SOAT1: variants seen among roughly 807,000 people sequenced by gnomAD.
SOAT1 encodes acyl-coenzyme A:cholesterol acyltransferase 1.
A neutral mutation model predicts 69.5 loss-of-function variants in SOAT1; 55 were observed. The ratio of observed to expected loss-of-function variants is 0.79; its 90% CI spans 0.64 to 0.99. SOAT1 has a LOEUF of 0.99. Among genes scored for constraint, SOAT1 ranks in the 50% least tolerant of loss-of-function variants. The pLI is 0.00. For synonymous variants in SOAT1, 231 were observed against 224.7 expected (o/e 1.03, Z -0.25); for missense variants, 580 against 669.3 (o/e 0.87, Z 1.47).
intron 10 of SOAT1, 86 bp downstream of exon 10, chr1:179,343,721 T>C (rs72717510): frequency 3.2e-5 from 31 of 960,198 alleles, no homozygotes; most frequent in Admixed American, 4.7e-5. Context: ...TTAAATCTAA[T>C]TGGGAGCTAA....
In SOAT1 at chr1:179,356,522, GT is replaced by G. The variant is rs11320150; in HGVS notation, c.*2891del. ...GAGTCTTGTTCTGTCGCCCAGGCCA[GT>G]TTTTTTTTTCTTGTACAGATGGGGT... On this transcript the variant is annotated 3_prime_UTR_variant, in exon 16 of 16. Coordinates refer to ENST00000367619, the MANE Select transcript of SOAT1 (RefSeq NM_003101.6). The G allele has an allele frequency of 0.41, 45,283 of 111,236 alleles. 8,149 individuals carry two copies. The highest frequency in any genetic ancestry group is 0.48 in the Middle Eastern group (103 of 214). The allele number at this position is 111,236 out of a possible 1,614,324, so 6.9% of individuals were successfully genotyped here. A position where few individuals can be genotyped will look rare whatever the true frequency, so the allele number is the denominator to read the frequency against.
intron 3 of SOAT1, among the ~76,000 whole-genome samples, chr1:179,328,697 CAT>C (rs145801719): frequency 0.016 from 2,411 of 152,194 alleles, 68 homozygotes; most frequent in African/African-American, 0.053. Flanking sequence ...TGTTAGGTCT[CAT>C]GTGAATATTA....
At chr1:179,325,149 T>A (rs1268605166) in intron 3 of SOAT1, among the ~76,000 whole-genome samples, 1 of 140,716 alleles carries the variant, frequency 7.1e-6, no homozygotes, top group Non-Finnish European at 1.5e-5. Flanking sequence ...AGTGACTAAT[T>A]TTTTTTTTTT....
chr1:179,302,845 A>T, intron 2 of SOAT1, 43 bp downstream of exon 2: 1 of 1,047,062 alleles, frequency 9.6e-7, no homozygotes, highest in Non-Finnish European at 1.4e-6. Context: ...AGTGAAATAG[A>T]GAACAAATAC....
intron 2 of SOAT1, among the ~76,000 whole-genome samples, chr1:179,322,517 G>A (rs1665637026): frequency 6.6e-6 from 1 of 152,034 alleles, no homozygotes; most frequent in South Asian, 2.1e-4. Flanking sequence ...TGAATAGCTG[G>A]GACAAGCCTC....
intron 2 of SOAT1, among the ~76,000 whole-genome samples, chr1:179,303,573 TAAAG>T (rs1273784010): frequency 6.6e-6 from 1 of 152,198 alleles, no homozygotes; most frequent in African/African-American, 2.4e-5. Flanking sequence ...TCTCTTTTCA[TAAAG>T]AAACAGTTTT....
At chr1:179,297,816 G>C (rs61821737) in intron 1 of SOAT1, among the ~76,000 whole-genome samples, 32,561 of 150,224 alleles carry the variant, frequency 0.22, 4,555 homozygotes, top group East Asian at 0.38. Flanking sequence ...CGGATCACCT[G>C]AGGTTGGGAG....
chr1:179,344,898 C>T (rs1666471423), intron 10 of SOAT1, 49 bp from the exon 11 acceptor site: 12 of 1,604,892 alleles, frequency 7.5e-6, no homozygotes, highest in Non-Finnish European at 1.0e-5. Context: ...AATCGCCTTC[C>T]ATCTTATTAA....
chr1:179,351,451 C>G lies in SOAT1; in HGVS notation c.1585C>G (p.Pro529Ala). 2 of 1,611,956 alleles carry G rather than the reference C, an allele frequency of 1.2e-6. No homozygotes were observed. Among genetic ancestry groups the G allele is most frequent in the Non-Finnish European group, 1.7e-6 (2 of 1,179,488 alleles). The change falls in exon 15 of 16, where the codon CCT (proline) becomes GCT (alanine). Residue 529 changes from proline (P) to alanine (A), a missense_variant. Transcript: ENST00000367619. ...AGAATGGTATGCACGTCAGCACTGT[C>G]CTCTGAAAAATGTGAGTCACCAACC... is the stretch of plus-strand genomic sequence containing the variant. ...SQEWYARQHC[P>A]LKNPTFLDYV...
At chr1:179,304,329 G>A (rs1420129732) in intron 2 of SOAT1, among the ~76,000 whole-genome samples, 1 of 149,746 alleles carries the variant, frequency 6.7e-6, no homozygotes, top group Non-Finnish European at 1.5e-5. Context: ...CTAGAGTGGA[G>A]TGCAATGGTG....
At chr1:179,309,783 G>A (rs1318007314) in intron 2 of SOAT1, among the ~76,000 whole-genome samples, 1 of 151,896 alleles carries the variant, frequency 6.6e-6, no homozygotes, top group Non-Finnish European at 1.5e-5. Context: ...AATCAAACTA[G>A]TGATTTGTCT....
intron 11 of SOAT1, among the ~76,000 whole-genome samples, chr1:179,347,133 C>T (rs1395293189): frequency 6.6e-6 from 1 of 151,902 alleles, no homozygotes; most frequent in Non-Finnish European, 1.5e-5. Flanking sequence ...CTGAGGTGGG[C>T]AGATCACAAG....
intron 2 of SOAT1, among the ~76,000 whole-genome samples, chr1:179,313,906 G>A (rs1200650003): frequency 6.6e-6 from 1 of 152,076 alleles, no homozygotes. Context: ...TTTATAGGAC[G>A]ACACTGATCA....
intron 2 of SOAT1, among the ~76,000 whole-genome samples, chr1:179,320,927 A>T (rs578032176): frequency 6.8e-5 from 10 of 147,460 alleles, no homozygotes; most frequent in African/African-American, 2.5e-4. Context: ...TTTTTTTGAG[A>T]TGGAGTCTCA....
At chr1:179,340,590 A>G (rs866201500) in intron 6 of SOAT1, among the ~76,000 whole-genome samples, 2 of 152,186 alleles carry the variant, frequency 1.3e-5, no homozygotes, top group African/African-American at 4.8e-5. Flanking sequence ...ATGGTATAGT[A>G]TATTAACATA....
At chr1:179,335,126 A>G (rs1001900628) in intron 3 of SOAT1, among the ~76,000 whole-genome samples, 11 of 152,094 alleles carry the variant, frequency 7.2e-5, no homozygotes, top group African/African-American at 2.7e-4. Context: ...CATTTTGGGA[A>G]GCTGAGGCGG....
chr1:179,300,181 A>G (rs942356452), intron 1 of SOAT1, among the ~76,000 whole-genome samples: 5 of 152,070 alleles, frequency 3.3e-5, no homozygotes, highest in African/African-American at 9.7e-5. Context: ...CCAGAAAAAA[A>G]AAAATTCCCA....
At chr1:179,328,443 T>TA (rs1665860122) in intron 3 of SOAT1, among the ~76,000 whole-genome samples, 2 of 152,234 alleles carry the variant, frequency 1.3e-5, no homozygotes, top group Admixed American at 1.3e-4. Flanking sequence ...TTCAATATAA[T>TA]AAAGTTCCCA....
rs1181121478 is a variant in SOAT1 at position 179,357,515 on chromosome 1, G to A, written c.*3874G>A. ...GCTCCCGGCCAAAGTGAATGTTTTG[G>A]GTGAAGTTTATATAAGGATTTGACT... On this transcript the variant is annotated 3_prime_UTR_variant, in exon 16 of 16. Coordinates refer to ENST00000367619, the MANE Select transcript of SOAT1 (RefSeq NM_003101.6). 3 of 152,160 alleles carry A rather than the reference G, an allele frequency of 2.0e-5. No homozygotes were observed. The highest frequency in any genetic ancestry group is 2.0e-4 in the Admixed American group (3 of 15,270). The allele number at this position is 152,160 out of a possible 1,614,324, so 9.4% of individuals were successfully genotyped here.
Sources: allele counts gnomAD v4.1 joint callset (sites outside exome capture counted in the v4.1 genomes callset), GRCh38; gene constraint gnomAD v4.1.1; transcripts MANE v1.5; gene names NCBI Gene and HGNC (gene_info 2026-07-23, HGNC 2026-07-21).